The following MAST2 variants were observed in gnomAD, a reference collection of about 807,000 sequenced individuals.
The protein encoded by MAST2 is microtubule associated serine/threonine kinase 2.
A neutral mutation model predicts 147.4 loss-of-function variants in MAST2; 70 were observed. That is an observed-to-expected ratio of 0.47 (90% CI 0.39 to 0.58). The LOEUF (loss-of-function observed/expected upper bound fraction) is 0.58. Ranked by LOEUF, MAST2 falls within the 20% of genes least tolerant of loss-of-function variation. The probability of loss-of-function intolerance (pLI) is 0.00; values close to 1 mark genes in which losing one functional copy is unlikely to be tolerated. For synonymous variants in MAST2, 869 were observed against 896.8 expected, an observed-to-expected ratio of 0.97 and a Z score of 0.55; for missense variants, 2,080 against 2,302.3, an observed-to-expected ratio of 0.90 and a Z score of 1.98.
chr1:45,900,453 T>TCATGAG (rs1254080149), intron 4 of MAST2, among the ~76,000 whole-genome samples: 1 of 12,384 alleles, frequency 8.1e-5, no homozygotes, highest in African/African-American at 6.6e-4. Flanking sequence ...GATATTTTTT[T>TCATGAG]TTTTTTTTTT....
intron 5 of MAST2, among the ~76,000 whole-genome samples, chr1:45,964,101 TG>T (rs1660823051): frequency 6.6e-6 from 1 of 152,238 alleles, no homozygotes; most frequent in African/African-American, 2.4e-5. Context: ...TTTGATGTGC[TG>T]CTGGATTCAG....
In MAST2 at chr1:46,032,203, C is replaced by T; in HGVS notation, c.3213C>T (p.Ala1071=). The change falls in exon 25 of 29, where the codon GCC becomes GCT. Residue 1071 remains alanine (A), a synonymous_variant. Transcript: ENST00000361297. ...AACACCACACCTGCTCCCCGTTGGC[C>T]AGCCCCATGTCCCCACATTCTCAGT... ...PSEHHTCSPL[A]SPMSPHSQSS... is the part of the protein sequence containing the mutation. The T allele has an allele frequency of 6.2e-7, 1 of 1,614,218 alleles. No individual in the cohort carries two copies. The highest frequency in any genetic ancestry group is 8.5e-7 in the Non-Finnish European group (1 of 1,180,044).
rs550944476 is a variant in MAST2 at position 45,956,692 on chromosome 1, C to T, written c.501-2694C>T. On this transcript the variant is annotated intron_variant, in intron 4 of 28. Coordinates refer to ENST00000361297, the MANE Select transcript of MAST2 (RefSeq NM_015112.3). ...AAATCAGTGAGTCCTGTTTTAGCCA[C>T]GAAATCAAGTGTCACTATAGCCATG... 1.1e-3 allele frequency among the ~76,000 whole-genome samples: 163 copies of T among 152,294 alleles called. 1 individual carries two copies. The highest frequency in any genetic ancestry group is 3.7e-3 in the African/African-American group (153 of 41,570).
intron 3 of MAST2, among the ~76,000 whole-genome samples, chr1:45,868,097 G>A (rs1570445141): frequency 6.6e-6 from 1 of 152,190 alleles, no homozygotes; most frequent in East Asian, 1.9e-4. Flanking sequence ...TTACACTGGA[G>A]GAGCCTCTGT....
intron 1 of MAST2, among the ~76,000 whole-genome samples, chr1:45,807,515 A>T (rs1488440783): frequency 6.7e-6 from 1 of 149,244 alleles, no homozygotes; most frequent in African/African-American, 2.5e-5. Flanking sequence ...TCCACCGTAG[A>T]CTCATCATTT....
chr1:46,034,306 A>C lies in MAST2; in HGVS notation c.3868+40A>C, dbSNP rs372861522. 199 of 1,571,998 alleles carry C rather than the reference A, an allele frequency of 1.3e-4. 1 individual carries two copies. The highest frequency in any genetic ancestry group is 2.4e-4 in the South Asian group (20 of 84,214). On this transcript the variant is annotated intron_variant, in intron 28 of 28. Coordinates refer to ENST00000361297, the MANE Select transcript of MAST2 (RefSeq NM_015112.3). Reference sequence around the variant, plus strand: ...CTGCAGATCAGTGACAACCCCTGGGAAATAGGAAAGTTCCTAGGCCCTGTG... The same window carrying C: ...CTGCAGATCAGTGACAACCCCTGGGCAATAGGAAAGTTCCTAGGCCCTGTG...
At chr1:46,019,390 G>A (rs1646090439) in intron 10 of MAST2, among the ~76,000 whole-genome samples, 1 of 152,184 alleles carries the variant, frequency 6.6e-6, no homozygotes, top group South Asian at 2.1e-4. Flanking sequence ...ATTTCTTGGT[G>A]TCATGTAGTG....
At chr1:46,000,160 A>G (rs1426698611) in intron 6 of MAST2, among the ~76,000 whole-genome samples, 1 of 152,154 alleles carries the variant, frequency 6.6e-6, no homozygotes, top group Non-Finnish European at 1.5e-5. Context: ...CTAAAAATAC[A>G]AAAATTAGCC....
chr1:45,917,756 T>A (rs1652800366), intron 4 of MAST2, among the ~76,000 whole-genome samples: 1 of 152,190 alleles, frequency 6.6e-6, no homozygotes, highest in Admixed American at 6.5e-5. Flanking sequence ...ATAAGTTGTG[T>A]GCCCATCCTG....
intron 10 of MAST2, chr1:46,011,240 T>C (rs1645703091): frequency 2.8e-6 from 1 of 357,934 alleles, no homozygotes; most frequent in Non-Finnish European, 5.2e-6. Context: ...CTAGGAGGTT[T>C]GCTACCCAAA....
At chr1:45,982,512 T>C (rs1229682687) in intron 5 of MAST2, among the ~76,000 whole-genome samples, 1 of 152,190 alleles carries the variant, frequency 6.6e-6, no homozygotes, top group African/African-American at 2.4e-5. Flanking sequence ...TGGACAACCT[T>C]AAGCTCAGTA....
chr1:45,839,275 C>T (rs1645201555), intron 3 of MAST2, among the ~76,000 whole-genome samples: 1 of 152,080 alleles, frequency 6.6e-6, no homozygotes, highest in African/African-American at 2.4e-5. Flanking sequence ...ATTACAGGTG[C>T]CTGCCACCAT....
intron 3 of MAST2, among the ~76,000 whole-genome samples, chr1:45,836,914 GT>G (rs577607405): frequency 1.7e-3 from 261 of 152,268 alleles, no homozygotes; most frequent in Non-Finnish European, 3.3e-3. Flanking sequence ...ATGGGAGGTG[GT>G]TTCAGGATGA....
chr1:45,804,832 C>A (rs1462201623), intron 1 of MAST2, among the ~76,000 whole-genome samples: 1 of 152,220 alleles, frequency 6.6e-6, no homozygotes, highest in African/African-American at 2.4e-5. Flanking sequence ...GCAGGAGAAG[C>A]TGCCACTAGT....
chr1:45,833,579 T>C (rs1483262487), intron 3 of MAST2, among the ~76,000 whole-genome samples: 1 of 152,170 alleles, frequency 6.6e-6, no homozygotes, highest in Non-Finnish European at 1.5e-5. Flanking sequence ...GATAACTGTA[T>C]TTAATCATTT....
At position 46,035,419 on chromosome 1, in the gene MAST2, G is replaced by A. The variant is rs369600489; in HGVS notation, c.4750G>A (p.Gly1584Arg). 2.2e-5 allele frequency: 35 copies of A among 1,612,254 alleles called. No homozygotes were observed. Among genetic ancestry groups the A allele is most frequent in the African/African-American group, 2.1e-4 (16 of 74,828 alleles). Residue 1584 changes from glycine to arginine, a missense_variant, in exon 29 of 29, where the codon GGG becomes AGG. Gly to Arg is a moderately radical substitution (Grantham distance 125, BLOSUM62 -2). Around this residue, in one of 4 missense-constraint regions of MAST2, gnomAD observed 1,278 missense variants for 1,304.2 expected, o/e 0.98. Transcript: ENST00000361297. The surrounding 1 kb of genome is among the most constrained non-coding windows in gnomAD (Gnocchi z 5.5). ...TCCCAGTGGTCCCCACAGGAGGCTC[G>A]GGAGCCCACAAGCCATTGAGGAGGC... Reference protein sequence around the residue: ...ESPSGPHRRLGSPQAIEEAAS... With the variant: ...ESPSGPHRRLRSPQAIEEAAS...
In MAST2 at chr1:46,023,104, T is replaced by A; in HGVS notation, c.1486-129T>A. On this transcript the variant is annotated intron_variant, in intron 13 of 28. Transcript: ENST00000361297. The surrounding 1 kb of genome is among the most constrained non-coding windows in gnomAD (Gnocchi z 4.9). ...GACAGCAAACACTGAGAAGTCATTC[T>A]ACTCCCAGAAGAATGAGCAGGAGAC... is the stretch of plus-strand genomic sequence containing the variant. 7 of 1,191,536 alleles carry A rather than the reference T, an allele frequency of 5.9e-6. No homozygotes were observed. Among genetic ancestry groups the A allele is most frequent in the Non-Finnish European group, 8.7e-6 (7 of 802,472 alleles). 73.8% of individuals were successfully genotyped at this position (1,191,536 alleles called of 1,614,324 possible). A position where few individuals can be genotyped will look rare whatever the true frequency, so the allele number is the denominator to read the frequency against.
intron 9 of MAST2, 65 bp downstream of exon 9, chr1:46,008,436 A>T (rs143152123): frequency 4.9e-6 from 5 of 1,027,518 alleles, no homozygotes; most frequent in Non-Finnish European, 7.7e-6. Flanking sequence ...GCCAGCCCCA[A>T]TGGGAGACTC....
At chr1:45,824,667 GT>G (rs1644736601) in intron 2 of MAST2, 87 bp downstream of exon 2, 1 of 1,357,188 alleles carries the variant, frequency 7.4e-7, no homozygotes, top group Non-Finnish European at 1.0e-6. Context: ...CATCTTGACA[GT>G]TTCTTCTCTG....
Sources: allele counts gnomAD v4.1 joint callset (sites outside exome capture counted in the v4.1 genomes callset), GRCh38; gene constraint gnomAD v4.1.1; regional missense constraint gnomAD v4.1.1; non-coding constraint Gnocchi (gnomAD v3.1); transcripts MANE v1.5; gene names NCBI Gene and HGNC (gene_info 2026-07-23, HGNC 2026-07-21).